AGBL1: variants seen among roughly 807,000 people sequenced by gnomAD.
AGBL1 encodes the protein AGBL carboxypeptidase 1, also known as cytosolic carboxypeptidase 4.
Under a neutral mutation model 118.9 loss-of-function variants are expected in AGBL1, and 130 were observed. That is an observed-to-expected ratio of 1.09 (90% CI 0.95 to 1.26). The LOEUF (loss-of-function observed/expected upper bound fraction) is 1.26. AGBL1 is among the 50% of genes most tolerant of loss of function. The pLI, the probability that AGBL1 is intolerant of heterozygous loss-of-function variation, is 0.00. For missense variants in AGBL1, 1,584 were observed against 1,298.1 expected (o/e 1.22, Z -3.38); for synonymous variants, 555 against 478.9 (o/e 1.16, Z -2.08).
At chr15:86,339,013 C>T (rs538916359) in intron 17 of AGBL1, among the ~76,000 whole-genome samples, 1 of 152,168 alleles carries the variant, frequency 6.6e-6, no homozygotes, top group South Asian at 2.1e-4. Flanking sequence ...TGAATTTTGT[C>T]AGTGCTTTTT....
chr15:86,271,937 A>G (rs139860763), intron 15 of AGBL1, among the ~76,000 whole-genome samples: 2 of 152,338 alleles, frequency 1.3e-5, no homozygotes, highest in African/African-American at 4.8e-5. Flanking sequence ...GTTTATCTTC[A>G]TTTAAACACA....
chr15:86,781,235 A>T (rs1399382106), intron 22 of AGBL1, among the ~76,000 whole-genome samples: 2 of 152,074 alleles, frequency 1.3e-5, no homozygotes, highest in Non-Finnish European at 2.9e-5. Context: ...TTTCTCCAAC[A>T]GTTTATGAAT....
At chr15:87,020,175 C>T (rs1338709207) in intron 24 of AGBL1, among the ~76,000 whole-genome samples, 1 of 151,962 alleles carries the variant, frequency 6.6e-6, no homozygotes, top group South Asian at 2.1e-4. Context: ...CTGAATTCTA[C>T]CAGAGGTACA....
chr15:86,357,896 C>T (rs1278401268), intron 17 of AGBL1, among the ~76,000 whole-genome samples: 2 of 151,994 alleles, frequency 1.3e-5, no homozygotes, highest in African/African-American at 4.8e-5. Context: ...TGCGGTATAC[C>T]TGACAAATAA....
At chr15:86,542,811 T>C (rs1039433115) in intron 19 of AGBL1, among the ~76,000 whole-genome samples, 1 of 152,238 alleles carries the variant, frequency 6.6e-6, no homozygotes, top group Admixed American at 6.5e-5. Context: ...TTCTGATGTC[T>C]ACTTTATCTG....
chr15:86,663,341 G>GGGGA (rs1230282653), intron 21 of AGBL1, among the ~76,000 whole-genome samples: 2 of 152,172 alleles, frequency 1.3e-5, no homozygotes, highest in Non-Finnish European at 2.9e-5. Flanking sequence ...ATGTAACCAT[G>GGGGA]GGGAGAGCAG....
intron 1 of AGBL1, among the ~76,000 whole-genome samples, chr15:86,134,422 G>A (rs2076858038): frequency 6.6e-6 from 1 of 152,082 alleles, no homozygotes; most frequent in South Asian, 2.1e-4. Context: ...TGTTCTTTCA[G>A]TCTGGCAGGG....
chr15:86,845,137 G>A (rs909025886), intron 22 of AGBL1, among the ~76,000 whole-genome samples: 7 of 151,894 alleles, frequency 4.6e-5, no homozygotes, highest in African/African-American at 1.7e-4. Flanking sequence ...GCTATTCTTG[G>A]TAATTTTCAT....
intron 17 of AGBL1, among the ~76,000 whole-genome samples, chr15:86,365,365 C>T (rs966066315): frequency 3.3e-5 from 5 of 152,090 alleles, no homozygotes; most frequent in African/African-American, 1.2e-4. Context: ...TATCTGAATT[C>T]TTCTGATCCT....
chr15:86,901,451 T>C (rs67756699), intron 22 of AGBL1, among the ~76,000 whole-genome samples: 33,665 of 152,058 alleles, frequency 0.22, 4,249 homozygotes, highest in African/African-American at 0.34. Context: ...AACCCTCTTA[T>C]AGTGTAATAG....
chr15:86,833,117 A>G (rs934020261), intron 22 of AGBL1, among the ~76,000 whole-genome samples: 2 of 152,070 alleles, frequency 1.3e-5, no homozygotes, highest in Non-Finnish European at 2.9e-5. Context: ...CCATGATTCA[A>G]TTGCTTCGCA....
intron 22 of AGBL1, among the ~76,000 whole-genome samples, chr15:86,849,517 C>CTTT (rs68185029): frequency 1.5e-5 from 2 of 136,796 alleles, no homozygotes; most frequent in Non-Finnish European, 3.1e-5. Context: ...TTCTTTCTTT[C>CTTT]TTTTTTTTTT....
intron 17 of AGBL1, among the ~76,000 whole-genome samples, chr15:86,391,860 A>G (rs770154903): frequency 2.6e-5 from 4 of 151,904 alleles, no homozygotes; most frequent in Non-Finnish European, 5.9e-5. Context: ...GACGTTTGCA[A>G]ATACGTCTAC....
chr15:86,155,747 A>G (rs985987957), intron 4 of AGBL1, among the ~76,000 whole-genome samples: 1 of 152,086 alleles, frequency 6.6e-6, no homozygotes, highest in Non-Finnish European at 1.5e-5. Flanking sequence ...TCTTTTTTTA[A>G]TGAGTCATAA....
chr15:86,400,975 C>T (rs1444155379), intron 18 of AGBL1, among the ~76,000 whole-genome samples: 1 of 152,042 alleles, frequency 6.6e-6, no homozygotes, highest in Non-Finnish European at 1.5e-5. Context: ...GGGTAGATCC[C>T]CAGTAGTGGG....
At chr15:86,863,715 T>C (rs763490274) in intron 22 of AGBL1, among the ~76,000 whole-genome samples, 12 of 152,184 alleles carry the variant, frequency 7.9e-5, no homozygotes, top group Admixed American at 1.3e-4. Flanking sequence ...GAACATTCTG[T>C]ATGGATCATG....
intron 23 of AGBL1, among the ~76,000 whole-genome samples, chr15:86,956,734 T>C (rs943043453): frequency 3.3e-5 from 5 of 152,154 alleles, no homozygotes. Flanking sequence ...TTTAACCAAG[T>C]TGACACATAA....
At chr15:86,437,271 C>G (rs974179946) in intron 18 of AGBL1, among the ~76,000 whole-genome samples, 2 of 152,128 alleles carry the variant, frequency 1.3e-5, no homozygotes, top group East Asian at 3.8e-4. Context: ...CTCTCCGAGT[C>G]CTGGTATTTG....
At chr15:86,088,703 T>G (rs1895832696) in intron 1 of AGBL1, among the ~76,000 whole-genome samples, 2 of 152,132 alleles carry the variant, frequency 1.3e-5, no homozygotes, top group South Asian at 2.1e-4. Flanking sequence ...CAGGATAAAT[T>G]TACTATATTT....
Sources: gnomAD v4.1 joint callset for allele counts (sites outside exome capture counted in the v4.1 genomes callset) on GRCh38, gnomAD v4.1.1 for gene constraint, MANE v1.5 for transcripts, NCBI Gene and HGNC (gene_info 2026-07-23, HGNC 2026-07-21) for gene names.